KCNA6: variants seen among roughly 807,000 people sequenced by gnomAD.
KCNA6 encodes potassium voltage-gated channel subfamily A member 6.
A neutral mutation model predicts 29.5 loss-of-function variants in KCNA6; 17 were observed. That is an observed-to-expected ratio of 0.58 (90% CI 0.39 to 0.86). The LOEUF (loss-of-function observed/expected upper bound fraction) is 0.86, where lower values mean the gene tolerates loss of function less well. KCNA6 is among the 40% of genes least tolerant of loss of function. KCNA6 has a pLI of 0.00. For synonymous variants in KCNA6, 296 were observed against 304.7 expected (o/e 0.97, Z 0.30); for missense variants, 450 against 703.4 (o/e 0.64, Z 4.07).
At chr12:4,829,574 A>G in the KCNA6 span, among the ~76,000 whole-genome samples, 1 of 152,170 alleles carries the variant, frequency 6.6e-6, no homozygotes. Context: ...CTTAGGTAGC[A>G]GGTCTCAACC....
the KCNA6 span, among the ~76,000 whole-genome samples, chr12:4,819,215 C>T: frequency 6.6e-6 from 1 of 152,150 alleles, no homozygotes; most frequent in Admixed American, 6.5e-5. Context: ...ACTGATCTCC[C>T]TCTCCCATTT....
the KCNA6 span, among the ~76,000 whole-genome samples, chr12:4,846,912 T>C: frequency 1.3e-5 from 2 of 151,566 alleles, no homozygotes; most frequent in African/African-American, 4.8e-5. Flanking sequence ...CCAAGTAGCT[T>C]AGACTACAGG....
At chr12:4,839,671 C>T in the KCNA6 span, among the ~76,000 whole-genome samples, 1 of 152,116 alleles carries the variant, frequency 6.6e-6, no homozygotes, top group Non-Finnish European at 1.5e-5. Flanking sequence ...CAAAAGCCAC[C>T]TTGTGGAAAC....
At chr12:4,842,012 CGT>C in the KCNA6 span, among the ~76,000 whole-genome samples, 16,117 of 124,576 alleles carry the variant, frequency 0.13, 899 homozygotes, top group African/African-American at 0.18. Flanking sequence ...ATGGAGCTTA[CGT>C]GTGTGTGTGT....
At chr12:4,813,680 T>C (rs1347135195), downstream of KCNA6, 1 of 167,028 alleles carries the variant, frequency 6.0e-6, no homozygotes, top group Non-Finnish European at 1.5e-5. Context: ...ATGTTTATGA[T>C]GCAAAAACCT....
chr12:4,817,524 C>G (rs775420685), downstream of KCNA6, among the ~76,000 whole-genome samples: 2 of 152,174 alleles, frequency 1.3e-5, no homozygotes, highest in African/African-American at 2.4e-5. Context: ...CTGGCTTCAC[C>G]TGGTACCCTA....
the KCNA6 span, among the ~76,000 whole-genome samples, chr12:4,831,261 G>A: frequency 3.9e-5 from 6 of 152,160 alleles, no homozygotes; most frequent in Non-Finnish European, 7.3e-5. Flanking sequence ...GGCCCGGAGC[G>A]GCTGGCTTGG....
the KCNA6 span, among the ~76,000 whole-genome samples, chr12:4,824,395 C>T: frequency 3.3e-5 from 5 of 152,112 alleles, no homozygotes; most frequent in Non-Finnish European, 5.9e-5. Flanking sequence ...AAATAGTGAC[C>T]ATGATTCAGG....
At chr12:4,816,732 A>G (rs1260904829), downstream of KCNA6, among the ~76,000 whole-genome samples, 1 of 152,064 alleles carries the variant, frequency 6.6e-6, no homozygotes, top group African/African-American at 2.4e-5. Context: ...TACAGTCGTT[A>G]TTGATGCTTA....
the KCNA6 span, among the ~76,000 whole-genome samples, chr12:4,838,566 G>A: frequency 6.6e-6 from 1 of 152,226 alleles, no homozygotes; most frequent in Non-Finnish European, 1.5e-5. Context: ...GAGAAACTCT[G>A]TTATGTCTAT....
At chr12:4,843,472 G>A in the KCNA6 span, among the ~76,000 whole-genome samples, 119 of 152,250 alleles carry the variant, frequency 7.8e-4, 1 homozygote, top group Middle Eastern at 6.8e-3. Context: ...GAGCCACTGC[G>A]CCTGGCCAAA....
At chr12:4,834,777 C>T in the KCNA6 span, among the ~76,000 whole-genome samples, 1 of 152,170 alleles carries the variant, frequency 6.6e-6, no homozygotes, top group Non-Finnish European at 1.5e-5. Flanking sequence ...CTACTCTCAT[C>T]GACCTTGGAG....
the KCNA6 span, among the ~76,000 whole-genome samples, chr12:4,843,839 A>G: frequency 6.6e-6 from 1 of 152,272 alleles, no homozygotes; most frequent in South Asian, 2.1e-4. Flanking sequence ...CATGGTGCCA[A>G]ACCATTCATG....
chr12:4,848,574 G>T, the KCNA6 span, among the ~76,000 whole-genome samples: 1 of 151,032 alleles, frequency 6.6e-6, no homozygotes, highest in African/African-American at 2.4e-5. Context: ...TGCTCTTGTT[G>T]CCCAGGCTGG....
the KCNA6 span, chr12:4,850,622 T>C: frequency 6.2e-6 from 2 of 323,516 alleles, no homozygotes; most frequent in Non-Finnish European, 1.3e-5. This position sits in a 1 kb window ranked among gnomAD's most constrained non-coding sequence, Gnocchi z 5.4. Flanking sequence ...ACTAGGCAAA[T>C]GCCAGCGGGG....
the KCNA6 span, among the ~76,000 whole-genome samples, chr12:4,833,713 G>A: frequency 0.082 from 12,438 of 152,196 alleles, 610 homozygotes; most frequent in Non-Finnish European, 0.093. Context: ...ACAACAGTGT[G>A]TGAAGGCAGG....
the KCNA6 span, among the ~76,000 whole-genome samples, chr12:4,818,909 C>T: frequency 6.6e-6 from 1 of 151,812 alleles, no homozygotes; most frequent in Admixed American, 6.6e-5. Context: ...AATATATATA[C>T]ATACATACAC....
the KCNA6 span, among the ~76,000 whole-genome samples, chr12:4,841,602 A>G: frequency 1.1e-4 from 16 of 152,340 alleles, no homozygotes; most frequent in East Asian, 2.5e-3. Flanking sequence ...ATCGATGATT[A>G]TGTCTAAAAG....
At chr12:4,827,002 C>T in the KCNA6 span, among the ~76,000 whole-genome samples, 7 of 151,904 alleles carry the variant, frequency 4.6e-5, no homozygotes, top group East Asian at 1.9e-4. Flanking sequence ...TGCCTCTATT[C>T]CTTCCTCCCT....
Sources: gnomAD v4.1 joint callset for allele counts (sites outside exome capture counted in the v4.1 genomes callset) on GRCh38, gnomAD v4.1.1 for gene constraint, Gnocchi (gnomAD v3.1) non-coding constraint, MANE v1.5 for transcripts, NCBI Gene and HGNC (gene_info 2026-07-23, HGNC 2026-07-21) for gene names.